Variants in CDHR4 observed in about 807,000 individuals in gnomAD.
CDHR4 encodes the protein cadherin-related family member 4.
Under a neutral mutation model 88.4 loss-of-function variants are expected in CDHR4, and 89 were observed. That is an observed-to-expected ratio of 1.01 (90% CI 0.85 to 1.20). The LOEUF is 1.20. CDHR4 is among the 50% of genes most tolerant of loss of function. The probability of loss-of-function intolerance (pLI) is 0.00; values close to 1 mark genes in which losing one functional copy is unlikely to be tolerated. For synonymous variants in CDHR4, 368 were observed against 399.2 expected (o/e 0.92, Z 0.93); for missense variants, 914 against 1,007.2 (o/e 0.91, Z 1.25).
intron 16 of CDHR4, 21 bp from the exon 17 acceptor site, chr3:49,791,822 G>C: frequency 6.4e-7 from 1 of 1,551,662 alleles, no homozygotes; most frequent in Non-Finnish European, 8.7e-7. Flanking sequence ...GTACGAGCAA[G>C]AGTACAGGGC....
Position 49,796,093 on chromosome 3 carries a change from C to T in CDHR4, c.607-47G>A, listed in dbSNP as rs1037679668. 7.9e-6 allele frequency: 11 copies of T among 1,387,498 alleles called. No homozygotes were observed. In the South Asian group the frequency reaches 1.6e-4, roughly 21 times the overall value. The allele number at this position is 1,387,498 out of a possible 1,614,324, so 85.9% of individuals were successfully genotyped here. ...AAAGGAGCCAGATTGTGTGTGTCCA[C>T]CTCTTTGTCTATGCCCAGTCCTCCC... On this transcript the variant is annotated intron_variant, in intron 5 of 18. Transcript: ENST00000412678.
At position 49,796,111 on chromosome 3, in the gene CDHR4, G is replaced by A. The variant is rs2081268195; in HGVS notation, c.607-65C>T. 41 of 1,229,430 alleles carry A rather than the reference G, an allele frequency of 3.3e-5. 1 individual carries two copies. In the South Asian group the frequency reaches 6.7e-4, roughly 20 times the overall value. The allele number at this position is 1,229,430 out of a possible 1,614,324, so 76.2% of individuals were successfully genotyped here. A position where few individuals can be genotyped will look rare whatever the true frequency, so the allele number is the denominator to read the frequency against. On this transcript the variant is annotated intron_variant, in intron 5 of 18. Coordinates refer to ENST00000412678, the MANE Select transcript of CDHR4 (RefSeq NM_001007540.4). ...GTGTCCACCTCTTTGTCTATGCCCA[G>A]TCCTCCCCTTAAATAGGCAACCTCA...
chr3:49,796,989 G>T lies in CDHR4; in HGVS notation c.539C>A (p.Pro180His). 2 of 1,551,712 alleles carry T rather than the reference G, an allele frequency of 1.3e-6. No individual in the cohort carries two copies. The highest frequency in any genetic ancestry group is 1.7e-6 in the Non-Finnish European group (2 of 1,146,990). Reference protein sequence around the residue: ...SAQDLPHFPGPFSINEQGWLQ... With the variant: ...SAQDLPHFPGHFSINEQGWLQ... ...CCAACCTTGCTCATTGATGGAGAAA[G>T]GTCCAGGGAAGTGTGGCAGGTCCTG... is the stretch of plus-strand genomic sequence containing the variant. Residue 180 changes from proline to histidine, a missense_variant, in exon 5 of 19, where the codon CCT (proline) becomes CAT (histidine). Pro to His is a moderately conservative substitution (Grantham distance 77). Coordinates refer to ENST00000412678, the MANE Select transcript of CDHR4 (RefSeq NM_001007540.4).
In CDHR4 at chr3:49,792,390, TG is replaced by T. The variant is rs1403474600; in HGVS notation, c.2138+77del. On this transcript the variant is annotated intron_variant, in intron 15 of 18. Coordinates refer to ENST00000412678, the MANE Select transcript of CDHR4 (RefSeq NM_001007540.4). Reference sequence around the variant, plus strand: ...CTACTTGGGCATTGTCATCTAATCTTGGGTGAAACCACCCATCACAACTGGG... The same window carrying T: ...CTACTTGGGCATTGTCATCTAATCTTGGTGAAACCACCCATCACAACTGGG... The T allele has an allele frequency of 5.9e-5, 90 of 1,512,980 alleles. 1 individual carries two copies. Among genetic ancestry groups the T allele is most frequent in the Non-Finnish European group, 8.0e-6 (9 of 1,123,094 alleles). 93.7% of individuals were successfully genotyped at this position (1,512,980 alleles called of 1,614,324 possible).
intron 5 of CDHR4, 86 bp downstream of exon 5, chr3:49,796,836 C>T: frequency 9.7e-7 from 1 of 1,035,282 alleles, no homozygotes; most frequent in Non-Finnish European, 1.5e-6. Flanking sequence ...GTCAAGGAGG[C>T]CAAGGAGGCC....
Position 49,791,862 on chromosome 3 carries a change from A to G in CDHR4, c.2195+41T>C, listed in dbSNP as rs770815920. 1.6e-5 allele frequency: 25 copies of G among 1,551,508 alleles called. 1 individual carries two copies. The highest frequency in any genetic ancestry group is 1.9e-5 in the Non-Finnish European group (22 of 1,146,886). ...CTCTGGGCCCTAACCTGAGTTTAAG[A>G]GATGGGATCCCAGGCATAGAAGTAT... is the stretch of plus-strand genomic sequence containing the variant. On this transcript the variant is annotated intron_variant, in intron 16 of 18. Coordinates refer to ENST00000412678, the MANE Select transcript of CDHR4 (RefSeq NM_001007540.4).
At position 49,799,870 on chromosome 3, in the gene CDHR4, AC is replaced by A; in HGVS notation, c.-59del. The A allele has an allele frequency of 6.3e-7, 1 of 1,594,542 alleles. No individual in the cohort carries two copies. The highest frequency in any genetic ancestry group is 8.6e-7 in the Non-Finnish European group (1 of 1,163,558). On this transcript the variant is annotated 5_prime_UTR_variant, in exon 1 of 19. Coordinates refer to ENST00000412678, the MANE Select transcript of CDHR4 (RefSeq NM_001007540.4). ...TTCAGAAAGCTAGGCTGTTTGTCTG[AC>A]TCACCCTGTTGCCAGGTCAGTTGCT... is the stretch of plus-strand genomic sequence containing the variant.
chr3:49,793,103 C>A (rs776000962), intron 13 of CDHR4, 29 bp from the exon 14 acceptor site: 1 of 1,550,992 alleles, frequency 6.4e-7, no homozygotes. Context: ...GAGGAAGAGA[C>A]CATTGCTGGC....
At chr3:49,797,200 T>G (rs2081284948) in intron 4 of CDHR4, among the ~76,000 whole-genome samples, 168 bp from the exon 5 acceptor site, 1 of 151,558 alleles carries the variant, frequency 6.6e-6, no homozygotes, top group South Asian at 2.1e-4. Context: ...CTTCCTTCCT[T>G]TCTTTCTTTC....
Position 49,794,018 on chromosome 3 carries a change from T to C in CDHR4, c.1280-12A>G, listed in dbSNP as rs2108280013. On this transcript the variant is annotated splice_polypyrimidine_tract_variant and intron_variant, in intron 10 of 18. Transcript: ENST00000412678. ...TACCGGCACCTCAGCTGGAAGTCAT[T>C]TGGCAGTCAAGGAGCTGGCCTGGGG... 6.4e-7 allele frequency: 1 copy of C among 1,550,854 alleles called. No individual in the cohort carries two copies.
At chr3:49,801,479 G>C (rs2081360711), upstream of CDHR4, among the ~76,000 whole-genome samples, 1 of 152,076 alleles carries the variant, frequency 6.6e-6, no homozygotes, top group African/African-American at 2.4e-5. Context: ...CAGATCCAAG[G>C]CTCCAGTGCT....
At position 49,799,143 on chromosome 3, in the gene CDHR4, C is replaced by T; in HGVS notation, c.254G>A (p.Ser85Asn). 1 of 1,578,558 alleles carries T rather than the reference C, an allele frequency of 6.3e-7. No homozygotes were observed. The highest frequency in any genetic ancestry group is 8.6e-7 in the Non-Finnish European group (1 of 1,162,042). ...GTYVGKLTLS[S>N]SAQLDALMVN... is the part of the protein sequence containing the mutation. Reference sequence around the variant, plus strand: ...CATCAGGGCATCCAACTGAGCAGAGCTGCTCAAGGTCAACTGGGGTGGGTG... The same window carrying T: ...CATCAGGGCATCCAACTGAGCAGAGTTGCTCAAGGTCAACTGGGGTGGGTG... The change falls in exon 3 of 19, where the codon AGC (serine) becomes AAC (asparagine). Residue 85 changes from serine (S) to asparagine (N), a missense_variant. Coordinates refer to ENST00000412678, the MANE Select transcript of CDHR4 (RefSeq NM_001007540.4).
chr3:49,799,294 A>G lies in CDHR4; in HGVS notation c.193T>C (p.Phe65Leu), dbSNP rs2081325855. The G allele has an allele frequency of 1.9e-6, 3 of 1,613,698 alleles. No homozygotes were observed. The South Asian group carries it at 3.3e-5, about 18-fold the overall frequency. ...LLNVQPPTTF[F>L]NPPSLARWQG... ...CACCTGGCCAAGCTGGGTGGGTTGA[A>G]GAAGGTGGTGGGTGGCTGGACATTG... Residue 65 changes from phenylalanine to leucine, a missense_variant, in exon 2 of 19, where the codon TTC becomes CTC. Phe to Leu is a conservative substitution (Grantham distance 22). Transcript: ENST00000412678.
At chr3:49,797,102 G>T (rs2081283181) in intron 4 of CDHR4, 70 bp from the exon 5 acceptor site, 1 of 1,279,694 alleles carries the variant, frequency 7.8e-7, no homozygotes, top group Non-Finnish European at 1.1e-6. Context: ...CGACAACCCA[G>T]CAGCAACCCT....
At chr3:49,800,452 G>A (rs1229644039), upstream of CDHR4, among the ~76,000 whole-genome samples, 1 of 151,764 alleles carries the variant, frequency 6.6e-6, no homozygotes, top group African/African-American at 2.4e-5. Context: ...CCAAGAGATC[G>A]AGGCTGCAGT....
At chr3:49,794,737 G>A in intron 9 of CDHR4, 36 bp from the exon 10 acceptor site, 1 of 1,527,644 alleles carries the variant, frequency 6.5e-7, no homozygotes, top group Non-Finnish European at 8.9e-7. Flanking sequence ...GTCCAGCCAG[G>A]GCCTGAGAGA....
chr3:49,801,996 C>A (rs2081367215), upstream of CDHR4, among the ~76,000 whole-genome samples: 1 of 152,210 alleles, frequency 6.6e-6, no homozygotes, highest in Non-Finnish European at 1.5e-5. Flanking sequence ...CCTGGTTTTG[C>A]TGACCTTTTC....
chr3:49,795,174 A>G lies in CDHR4; in HGVS notation c.1031+22T>C, dbSNP rs2081249760. The G allele has an allele frequency of 1.3e-6, 2 of 1,551,616 alleles. No homozygotes were observed. The highest frequency in any genetic ancestry group is 1.7e-6 in the Non-Finnish European group (2 of 1,146,938). On this transcript the variant is annotated intron_variant, in intron 8 of 18. Coordinates refer to ENST00000412678, the MANE Select transcript of CDHR4 (RefSeq NM_001007540.4). This position sits in a 1 kb window ranked among gnomAD's most constrained non-coding sequence, Gnocchi z 5.4. ...TCATGGCTCTGACCCCAGCAGCCCA[A>G]GTATGGTTCCCGGGTACTCACACCA... is the stretch of plus-strand genomic sequence containing the variant.
In CDHR4 at chr3:49,795,218, G is replaced by A. The variant is rs749421397; in HGVS notation, c.1009C>T (p.Arg337Cys). Residue 337 changes from arginine (R) to cysteine (C), a missense_variant, in exon 8 of 19, where the codon CGC becomes TGC. Physicochemically the swap from Arg to Cys is radical, Grantham distance 180. Transcript: ENST00000412678. This position sits in a 1 kb window ranked among gnomAD's most constrained non-coding sequence, Gnocchi z 5.4. ...NVQLVNLWPPRCLPALLVSQI... is the reference protein window; with the variant it reads ...NVQLVNLWPPCCLPALLVSQI... ...CACACCAGAAGCGCTGGGAGGCAGC[G>A]TGGAGGCCAGAGGTTGACCAGCTGC... 3.0e-5 allele frequency: 47 copies of A among 1,551,554 alleles called. No individual in the cohort carries two copies. Among genetic ancestry groups the A allele is most frequent in the Middle Eastern group, 1.7e-4 (1 of 6,014 alleles).
Sources: gnomAD v4.1 joint callset for allele counts (sites outside exome capture counted in the v4.1 genomes callset) on GRCh38, gnomAD v4.1.1 for gene constraint, Gnocchi (gnomAD v3.1) non-coding constraint, MANE v1.5 for transcripts, NCBI Gene and HGNC (gene_info 2026-07-23, HGNC 2026-07-21) for gene names.